MGMT: variants seen among roughly 807,000 people sequenced by gnomAD.
MGMT encodes the protein methylated-DNA--protein-cysteine methyltransferase.
In MGMT, 14 loss-of-function variants were observed where a neutral mutation model predicts 15.9. The observed-to-expected ratio is 0.88, with a 90% CI of 0.58 to 1.37. The LOEUF is 1.37. MGMT is among the 40% of genes most tolerant of loss of function. The pLI is 0.00. For synonymous variants in MGMT, 130 were observed against 118.2 expected (o/e 1.10, Z -0.65); for missense variants, 282 against 268.1 (o/e 1.05, Z -0.36).
intron 1 of MGMT, among the ~76,000 whole-genome samples, chr10:129,478,645 C>A (rs143588922): frequency 1.3e-5 from 2 of 152,214 alleles, no homozygotes; most frequent in Admixed American, 1.3e-4. Context: ...AAGGATCTTG[C>A]CATTCCTAAG....
At chr10:129,508,903 G>A (rs12256564) in intron 1 of MGMT, among the ~76,000 whole-genome samples, 10,465 of 151,896 alleles carry the variant, frequency 0.069, 1,205 homozygotes, top group African/African-American at 0.24. Flanking sequence ...TGCTTACTTG[G>A]TTGAAAAAAA....
chr10:129,478,220 T>G (rs1286510013), intron 1 of MGMT, among the ~76,000 whole-genome samples: 13 of 57,824 alleles, frequency 2.2e-4, no homozygotes, highest in African/African-American at 1.0e-3. Context: ...GGATTCTTTT[T>G]GTTGGTTGGT....
chr10:129,660,775 A>AAC (rs10634898), intron 2 of MGMT, among the ~76,000 whole-genome samples: 78,714 of 149,048 alleles, frequency 0.53, 20,971 homozygotes, highest in African/African-American at 0.65. Context: ...CCCCACCCCC[A>AAC]ACACACACAC....
chr10:129,581,524 G>C (rs1462735535), intron 2 of MGMT, among the ~76,000 whole-genome samples: 1 of 152,186 alleles, frequency 6.6e-6, no homozygotes, highest in East Asian at 1.9e-4. Flanking sequence ...GATTCCTGAT[G>C]AAACAAACTA....
At chr10:129,645,831 G>T (rs1405488857) in intron 2 of MGMT, among the ~76,000 whole-genome samples, 1 of 152,202 alleles carries the variant, frequency 6.6e-6, no homozygotes, top group Non-Finnish European at 1.5e-5. Flanking sequence ...GGCAAGTGGT[G>T]AAGGTACTCT....
intron 2 of MGMT, among the ~76,000 whole-genome samples, chr10:129,581,513 T>C (rs1173867005): frequency 1.3e-5 from 2 of 152,228 alleles, no homozygotes; most frequent in Non-Finnish European, 2.9e-5. Flanking sequence ...TAAAAAGCTG[T>C]GATTCCTGAT....
chr10:129,691,851 G>A lies in MGMT; in HGVS notation c.126-16044G>A, dbSNP rs1466188860. On this transcript the variant is annotated intron_variant, in intron 2 of 4. Coordinates refer to ENST00000651593, the MANE Select transcript of MGMT (RefSeq NM_002412.5). ...CCTCTCCTGGTTGAAAGTGTTAGAA[G>A]CCACGTTGGAGAGGCCACCACTCAG... Among the ~76,000 whole-genome samples the A allele has an allele frequency of 2.6e-5, 4 of 152,176 alleles. 1 individual carries two copies. Among genetic ancestry groups the A allele is most frequent in the Admixed American group, 1.3e-4 (2 of 15,282 alleles).
chr10:129,674,095 G>C (rs1847757516), intron 2 of MGMT, among the ~76,000 whole-genome samples: 1 of 152,132 alleles, frequency 6.6e-6, no homozygotes, highest in African/African-American at 2.4e-5. Context: ...TGTTGCCACT[G>C]TCTCTTTTTA....
chr10:129,746,682 T>C (rs1163744243), intron 3 of MGMT, among the ~76,000 whole-genome samples: 1 of 152,306 alleles, frequency 6.6e-6, no homozygotes, highest in East Asian at 1.9e-4. Context: ...ATCCAGTAAC[T>C]CCATCAATAC....
intron 1 of MGMT, among the ~76,000 whole-genome samples, chr10:129,488,298 G>T (rs1239852780): frequency 1.3e-5 from 2 of 152,142 alleles, no homozygotes; most frequent in Admixed American, 1.3e-4. Flanking sequence ...CTGTCTCATA[G>T]TGATCTTAAT....
At chr10:129,702,035 T>C (rs1472520683) in intron 2 of MGMT, 3 of 152,170 alleles carry the variant, frequency 2.0e-5, no homozygotes, top group African/African-American at 7.2e-5. Context: ...TCAAAATAAA[T>C]CTGCAAGGCA....
intron 2 of MGMT, among the ~76,000 whole-genome samples, chr10:129,671,807 CT>C (rs1324545209): frequency 5.0e-4 from 76 of 152,338 alleles, no homozygotes; most frequent in African/African-American, 1.8e-3. Context: ...TTCATCACCT[CT>C]GTCTCGTCAC....
intron 1 of MGMT, among the ~76,000 whole-genome samples, chr10:129,512,163 G>T (rs529910246): frequency 1.1e-3 from 175 of 152,306 alleles, no homozygotes; most frequent in African/African-American, 3.9e-3. Context: ...AGGCGGCGAG[G>T]TGTTGGCAGC....
At chr10:129,622,780 A>G (rs1847104610) in intron 2 of MGMT, among the ~76,000 whole-genome samples, 1 of 151,668 alleles carries the variant, frequency 6.6e-6, no homozygotes, top group Admixed American at 6.6e-5. Context: ...CTGACTTTCA[A>G]TAAATGGCCT....
At position 129,482,259 on chromosome 10, in the gene MGMT, T is replaced by C. The variant is rs572854005; in HGVS notation, c.-13+14963T>C. On this transcript the variant is annotated intron_variant, in intron 1 of 4. Coordinates refer to ENST00000651593, the MANE Select transcript of MGMT (RefSeq NM_002412.5). ...TTTTTCTGTTATTGATCTGCAGGGG[T>C]GAGTTACCTTGTAATCAGAGGACAT... Among the ~76,000 whole-genome samples, 7 of 152,308 alleles carry C rather than the reference T, an allele frequency of 4.6e-5. No individual in the cohort carries two copies. In the South Asian group the frequency reaches 6.2e-4, roughly 14 times the overall value.
chr10:129,655,244 T>C (rs118133760), intron 2 of MGMT, among the ~76,000 whole-genome samples: 4,787 of 152,310 alleles, frequency 0.031, 102 homozygotes, highest in Non-Finnish European at 0.043. Context: ...TGGTTTCCTG[T>C]GTGTCTGCCA....
At chr10:129,712,102 A>G (rs1408712520) in intron 3 of MGMT, among the ~76,000 whole-genome samples, 3 of 152,194 alleles carry the variant, frequency 2.0e-5, no homozygotes, top group Non-Finnish European at 4.4e-5. Flanking sequence ...ATGGACTTTC[A>G]GATACAGAAC....
At chr10:129,519,769 C>G (rs183765777) in intron 1 of MGMT, among the ~76,000 whole-genome samples, 1 of 152,300 alleles carries the variant, frequency 6.6e-6, no homozygotes, top group Admixed American at 6.5e-5. Flanking sequence ...CAGTGGTGTG[C>G]AGGCTTAATG....
At chr10:129,488,160 A>G (rs1181475033) in intron 1 of MGMT, among the ~76,000 whole-genome samples, 1 of 152,068 alleles carries the variant, frequency 6.6e-6, no homozygotes, top group East Asian at 1.9e-4. Flanking sequence ...GTCAGTGTTC[A>G]ATGCTACAGG....
Sources: allele counts gnomAD v4.1 joint callset (sites outside exome capture counted in the v4.1 genomes callset), GRCh38; gene constraint gnomAD v4.1.1; transcripts MANE v1.5; gene names NCBI Gene and HGNC (gene_info 2026-07-23, HGNC 2026-07-21).